Variants in ARFGEF3 observed in about 807,000 individuals in gnomAD.
ARFGEF3 encodes ARFGEF family member 3, also known as brefeldin A-inhibited guanine nucleotide-exchange protein 3.
A neutral mutation model predicts 221.7 loss-of-function variants in ARFGEF3; 96 were observed. The observed-to-expected ratio is 0.43, with a 90% CI of 0.37 to 0.51. The LOEUF (loss-of-function observed/expected upper bound fraction) is 0.51, where lower values mean the gene tolerates loss of function less well. Ranked by LOEUF, ARFGEF3 falls within the 20% of genes least tolerant of loss-of-function variation. ARFGEF3 has a pLI of 0.00. For missense variants in ARFGEF3, 2,410 were observed against 2,789.9 expected (o/e 0.86, Z 3.07); for synonymous variants, 1,145 against 1,126.8 (o/e 1.02, Z -0.32).
chr6:138,256,018 T>C (rs1246520664), intron 10 of ARFGEF3, among the ~76,000 whole-genome samples: 2 of 152,154 alleles, frequency 1.3e-5, no homozygotes, highest in African/African-American at 4.8e-5. Flanking sequence ...TTGTTAAGAC[T>C]CTGTTAGATG....
chr6:138,254,929 C>T (rs1240639773), intron 9 of ARFGEF3, among the ~76,000 whole-genome samples: 1 of 152,270 alleles, frequency 6.6e-6, no homozygotes, highest in East Asian at 1.9e-4. Context: ...GCAAGAGATA[C>T]TGAGCTTTAC....
chr6:138,291,647 A>C lies in ARFGEF3; in HGVS notation c.3048-86A>C, dbSNP rs748103871. 1.0e-6 allele frequency: 1 copy of C among 988,736 alleles called. No individual in the cohort carries two copies. The highest frequency in any genetic ancestry group is 1.3e-6 in the Non-Finnish European group (1 of 743,990). The allele number at this position is 988,736 out of a possible 1,614,324, so 61.2% of individuals were successfully genotyped here. On this transcript the variant is annotated intron_variant, in intron 18 of 33. Transcript: ENST00000251691. The surrounding 1 kb of genome is among the most constrained non-coding windows in gnomAD (Gnocchi z 4.5). Reference sequence around the variant, plus strand: ...CTGGGGAGCTTGCAGAGCTGGCTGCATTTCCTTTGTCTGGCACTGTGGGGT... The same window carrying C: ...CTGGGGAGCTTGCAGAGCTGGCTGCCTTTCCTTTGTCTGGCACTGTGGGGT...
intron 22 of ARFGEF3, among the ~76,000 whole-genome samples, chr6:138,306,671 G>A (rs541508493): frequency 1.2e-4 from 18 of 152,010 alleles, no homozygotes; most frequent in Non-Finnish European, 2.1e-4. Context: ...TTTTGATGAA[G>A]ATACCATTGC....
chr6:138,290,761 C>T (rs932434784), intron 18 of ARFGEF3, among the ~76,000 whole-genome samples: 5 of 152,188 alleles, frequency 3.3e-5, no homozygotes, highest in African/African-American at 1.2e-4. Flanking sequence ...CTAGGCAGAG[C>T]AGGCATGGGG....
chr6:138,211,225 T>A (rs1467358289), intron 4 of ARFGEF3, among the ~76,000 whole-genome samples: 1 of 152,204 alleles, frequency 6.6e-6, no homozygotes, highest in Admixed American at 6.5e-5. Context: ...TATCACTACT[T>A]GTACCACTAC....
chr6:138,185,460 G>A (rs1346928168), intron 2 of ARFGEF3, among the ~76,000 whole-genome samples: 1 of 152,208 alleles, frequency 6.6e-6, no homozygotes, highest in East Asian at 1.9e-4. Flanking sequence ...GGGATCCAGA[G>A]AAGGGAGGAT....
At chr6:138,248,558 C>T (rs1342508883) in intron 8 of ARFGEF3, among the ~76,000 whole-genome samples, 1 of 152,082 alleles carries the variant, frequency 6.6e-6, no homozygotes, top group Non-Finnish European at 1.5e-5. Context: ...GTGCTAGAAA[C>T]GTGGGAGAGG....
At chr6:138,236,052 G>A (rs1778280488) in intron 5 of ARFGEF3, among the ~76,000 whole-genome samples, 1 of 152,208 alleles carries the variant, frequency 6.6e-6, no homozygotes, top group Admixed American at 6.5e-5. Context: ...GAAAGTTCTT[G>A]TCTGTTTACA....
chr6:138,184,523 GA>G (rs1252719300), intron 2 of ARFGEF3, among the ~76,000 whole-genome samples: 1 of 152,228 alleles, frequency 6.6e-6, no homozygotes, highest in East Asian at 1.9e-4. Flanking sequence ...GTACCGGGAA[GA>G]AAGGGCAGAT....
At chr6:138,266,404 G>A (rs1441105640) in intron 12 of ARFGEF3, among the ~76,000 whole-genome samples, 1 of 151,946 alleles carries the variant, frequency 6.6e-6, no homozygotes, top group Non-Finnish European at 1.5e-5. Context: ...CACTGTGTTG[G>A]AAAGAAGGAA....
At chr6:138,319,483 G>A (rs1267342535) in intron 27 of ARFGEF3, among the ~76,000 whole-genome samples, 1 of 151,924 alleles carries the variant, frequency 6.6e-6, no homozygotes, top group Non-Finnish European at 1.5e-5. Context: ...GAATGTTTTA[G>A]GAGTATATTC....
At chr6:138,257,192 A>C (rs1434051150) in intron 10 of ARFGEF3, among the ~76,000 whole-genome samples, 2 of 152,210 alleles carry the variant, frequency 1.3e-5, no homozygotes, top group Non-Finnish European at 1.5e-5. Context: ...GATAAAATAC[A>C]GCTTTGGAGG....
chr6:138,342,954 G>C lies in ARFGEF3; in HGVS notation c.*6468G>C, dbSNP rs1780455932. On this transcript the variant is annotated 3_prime_UTR_variant, in exon 34 of 34. Transcript: ENST00000251691. ...TTAAGCAGCAGGTGTGCCTGTTTTTGACTTTTCAGTAAATATGTTGTTTGT... is the reference window on the plus strand; with the variant it reads ...TTAAGCAGCAGGTGTGCCTGTTTTTCACTTTTCAGTAAATATGTTGTTTGT... The C allele has an allele frequency of 6.6e-6, 1 of 152,144 alleles. No individual in the cohort carries two copies. Among genetic ancestry groups the C allele is most frequent in the East Asian group, 1.9e-4 (1 of 5,202 alleles). The allele number at this position is 152,144 out of a possible 1,614,324, so 9.4% of individuals were successfully genotyped here. A position where few individuals can be genotyped will look rare whatever the true frequency, so the allele number is the denominator to read the frequency against.
chr6:138,214,526 G>A (rs9494966), intron 4 of ARFGEF3, among the ~76,000 whole-genome samples: 6,041 of 152,202 alleles, frequency 0.04, 382 homozygotes, highest in African/African-American at 0.14. Flanking sequence ...TTGTTATAAC[G>A]GATCCTAGGT....
chr6:138,271,488 A>C (rs1779002227), intron 12 of ARFGEF3, among the ~76,000 whole-genome samples: 1 of 152,206 alleles, frequency 6.6e-6, no homozygotes, highest in Non-Finnish European at 1.5e-5. Flanking sequence ...CATTGTCTAA[A>C]GGTTTTACTG....
chr6:138,235,498 G>T (rs2114542101), intron 5 of ARFGEF3, among the ~76,000 whole-genome samples: 1 of 152,324 alleles, frequency 6.6e-6, no homozygotes, highest in Middle Eastern at 3.4e-3. Context: ...CAGAATAAAA[G>T]AAGAAACTGA....
chr6:138,204,281 T>C (rs1448682985), intron 2 of ARFGEF3, among the ~76,000 whole-genome samples: 1 of 135,310 alleles, frequency 7.4e-6, no homozygotes, highest in Non-Finnish European at 1.5e-5. Context: ...AAGATTGCAG[T>C]GAGCCGAGAT....
intron 22 of ARFGEF3, among the ~76,000 whole-genome samples, chr6:138,305,746 A>C (rs924966390): frequency 6.6e-6 from 1 of 152,228 alleles, no homozygotes; most frequent in African/African-American, 2.4e-5. Context: ...AGTAGACTAA[A>C]AGATTAAAAC....
chr6:138,288,036 T>TA (rs11450370), intron 17 of ARFGEF3, among the ~76,000 whole-genome samples: 16,954 of 149,294 alleles, frequency 0.11, 1,189 homozygotes, highest in South Asian at 0.29. Context: ...CACAGTTCTT[T>TA]AAAAAAAAAA....
Sources: allele counts gnomAD v4.1 joint callset (sites outside exome capture counted in the v4.1 genomes callset), GRCh38; gene constraint gnomAD v4.1.1; non-coding constraint Gnocchi (gnomAD v3.1); transcripts MANE v1.5; gene names NCBI Gene and HGNC (gene_info 2026-07-23, HGNC 2026-07-21).